ZFPM2: variants seen among roughly 807,000 people sequenced by gnomAD.
The protein encoded by ZFPM2 is zinc finger protein, FOG family member 2.
Under a neutral mutation model 98.6 loss-of-function variants are expected in ZFPM2, and 20 were observed. The observed-to-expected ratio is 0.20, with a 90% CI of 0.14 to 0.29. The LOEUF (loss-of-function observed/expected upper bound fraction) is 0.29. ZFPM2 is among the 10% of genes least tolerant of loss of function. ZFPM2 has a pLI of 1.00. For synonymous variants in ZFPM2, 518 were observed against 502.7 expected, an observed-to-expected ratio of 1.03 and a Z score of -0.41; for missense variants, 1,310 against 1,388.6, an observed-to-expected ratio of 0.94 and a Z score of 0.90.
chr8:105,539,464 A>G (rs1335740116), intron 3 of ZFPM2, among the ~76,000 whole-genome samples: 2 of 152,188 alleles, frequency 1.3e-5, no homozygotes, highest in African/African-American at 4.8e-5. Context: ...CAGGCATTTT[A>G]ATACACTACA....
chr8:105,561,296 C>T, intron 3 of ZFPM2, 67 bp from the exon 4 acceptor site: 2 of 1,231,972 alleles, frequency 1.6e-6, no homozygotes, highest in Non-Finnish European at 2.4e-6. Context: ...AGCAAACACA[C>T]AAAAAGAGGT....
intron 1 of ZFPM2, among the ~76,000 whole-genome samples, chr8:105,413,972 A>C (rs1156432794): frequency 4.6e-5 from 7 of 151,936 alleles, no homozygotes; most frequent in African/African-American, 1.7e-4. Flanking sequence ...TATTGTAATT[A>C]TTGGGAATGA....
At chr8:105,484,159 A>C (rs1348617009) in intron 3 of ZFPM2, among the ~76,000 whole-genome samples, 2 of 151,988 alleles carry the variant, frequency 1.3e-5, no homozygotes, top group East Asian at 3.9e-4. Context: ...GATTCATTTC[A>C]TTCATCGATT....
At position 105,521,991 on chromosome 8, in the gene ZFPM2, A is replaced by G. The variant is rs950568958; in HGVS notation, c.302-39372A>G. Among the ~76,000 whole-genome samples the G allele has an allele frequency of 3.3e-5, 5 of 152,252 alleles. 1 individual carries two copies. The highest frequency in any genetic ancestry group is 1.2e-4 in the African/African-American group (5 of 41,466). On this transcript the variant is annotated intron_variant, in intron 3 of 7. Coordinates refer to ENST00000407775, the MANE Select transcript of ZFPM2 (RefSeq NM_012082.4). ...CACTAGGTTATATAATAGTGTAAAA[A>G]AAGACAAATGAAAGAGTAGTACAGA...
At chr8:105,419,628 G>A (rs1169520330) in intron 2 of ZFPM2, among the ~76,000 whole-genome samples, 4 of 152,104 alleles carry the variant, frequency 2.6e-5, no homozygotes, top group South Asian at 4.1e-4. Flanking sequence ...TTTATTGAAT[G>A]TTAATTGTTT....
chr8:105,775,096 A>C (rs1315496316), intron 5 of ZFPM2, among the ~76,000 whole-genome samples: 1 of 149,582 alleles, frequency 6.7e-6, no homozygotes, highest in Non-Finnish European at 1.5e-5. Flanking sequence ...AAAAAAAAAA[A>C]GCAAAACAAG....
rs111425567 is a variant in ZFPM2, at chr8:105,359,665, C to T, written c.40+40684C>T. ...CTGGGATTACAGGCGTGAGCCACCGCGCCCGGCCCCACTCTGGGGTATTTC... is the reference window on the plus strand; with the variant it reads ...CTGGGATTACAGGCGTGAGCCACCGTGCCCGGCCCCACTCTGGGGTATTTC... On this transcript the variant is annotated intron_variant, in intron 1 of 7. Coordinates refer to ENST00000407775, the MANE Select transcript of ZFPM2 (RefSeq NM_012082.4). Among the ~76,000 whole-genome samples the T allele has an allele frequency of 9.4e-3, 1,424 of 152,214 alleles. 18 individuals are homozygous for T. The highest frequency in any genetic ancestry group is 0.032 in the African/African-American group (1,315 of 41,550).
At chr8:105,547,568 A>G (rs550767316) in intron 3 of ZFPM2, among the ~76,000 whole-genome samples, 4 of 144,082 alleles carry the variant, frequency 2.8e-5, no homozygotes, top group Admixed American at 6.8e-5. Flanking sequence ...AAAAAAAAAA[A>G]AGAAATCAGA....
intron 5 of ZFPM2, among the ~76,000 whole-genome samples, chr8:105,670,495 CA>C (rs1160128174): frequency 0.033 from 1,608 of 49,180 alleles, 6 homozygotes; most frequent in Non-Finnish European, 0.044. Flanking sequence ...GAGTCCATCT[CA>C]AAAAAAAAAA....
chr8:105,426,172 T>C (rs1178379623), intron 2 of ZFPM2, among the ~76,000 whole-genome samples: 1 of 152,196 alleles, frequency 6.6e-6, no homozygotes, highest in African/African-American at 2.4e-5. Context: ...GCAACTTTTT[T>C]CCTTTTTTCT....
At chr8:105,571,012 A>G (rs1478793119) in intron 4 of ZFPM2, among the ~76,000 whole-genome samples, 1 of 152,214 alleles carries the variant, frequency 6.6e-6, no homozygotes, top group African/African-American at 2.4e-5. Context: ...TAATTTAATT[A>G]ATTTCTGAAA....
At chr8:105,530,014 C>T (rs1814262531) in intron 3 of ZFPM2, among the ~76,000 whole-genome samples, 1 of 152,092 alleles carries the variant, frequency 6.6e-6, no homozygotes, top group South Asian at 2.1e-4. Context: ...AATTCATATA[C>T]CTATGAATAT....
intron 5 of ZFPM2, among the ~76,000 whole-genome samples, chr8:105,712,381 A>C (rs1391458327): frequency 3.9e-5 from 6 of 152,028 alleles, no homozygotes; most frequent in Admixed American, 2.0e-4. Flanking sequence ...AAGTAATTAG[A>C]CTCTATCTTG....
chr8:105,418,887 G>A, intron 1 of ZFPM2: 1 of 573,072 alleles, frequency 1.7e-6, no homozygotes, highest in Non-Finnish European at 3.2e-6. Context: ...CTTGAGGTTG[G>A]GGGTGGGGAC....
chr8:105,398,111 C>T (rs73300198), intron 1 of ZFPM2, among the ~76,000 whole-genome samples: 41 of 152,128 alleles, frequency 2.7e-4, no homozygotes, highest in Non-Finnish European at 3.7e-4. Context: ...GTAAAGTCTA[C>T]GCAAAGGAGC....
chr8:105,715,832 C>G (rs566439557), intron 5 of ZFPM2, among the ~76,000 whole-genome samples: 1 of 152,062 alleles, frequency 6.6e-6, no homozygotes, highest in South Asian at 2.1e-4. Flanking sequence ...TGGACTTTGC[C>G]CCAGACCTCC....
At chr8:105,436,794 G>A (rs902637527) in intron 2 of ZFPM2, among the ~76,000 whole-genome samples, 1 of 152,148 alleles carries the variant, frequency 6.6e-6, no homozygotes, top group Non-Finnish European at 1.5e-5. Context: ...ATACATGGCA[G>A]ATCTGTTGAT....
chr8:105,742,750 A>T (rs1456674857), intron 5 of ZFPM2, among the ~76,000 whole-genome samples: 1 of 151,964 alleles, frequency 6.6e-6, no homozygotes, highest in African/African-American at 2.4e-5. Context: ...AAATTAGCCA[A>T]GTGTGGTGGC....
chr8:105,402,990 T>C (rs1811370448), intron 1 of ZFPM2, among the ~76,000 whole-genome samples: 1 of 152,094 alleles, frequency 6.6e-6, no homozygotes, highest in Non-Finnish European at 1.5e-5. Flanking sequence ...CTTTCATTTC[T>C]TTTGTTGTTC....
Sources: allele counts gnomAD v4.1 joint callset (sites outside exome capture counted in the v4.1 genomes callset), GRCh38; gene constraint gnomAD v4.1.1; transcripts MANE v1.5; gene names NCBI Gene and HGNC (gene_info 2026-07-23, HGNC 2026-07-21).